Variants in RCBTB2 observed in about 807,000 individuals in gnomAD.
RCBTB2 encodes RCC1 and BTB domain-containing protein 2.
Under a neutral mutation model 65.4 loss-of-function variants are expected in RCBTB2, and 55 were observed. The ratio of observed to expected loss-of-function variants is 0.84; its 90% CI spans 0.68 to 1.05. The LOEUF is 1.05. Among genes scored for constraint, RCBTB2 ranks in the 50% least tolerant of loss-of-function variants. RCBTB2 has a pLI of 0.00. For missense variants in RCBTB2, 599 were observed against 680.1 expected (o/e 0.88, Z 1.33); for synonymous variants, 220 against 255.2 (o/e 0.86, Z 1.31).
chr13:48,493,288 T>TG (rs1949795754), intron 14 of RCBTB2, among the ~76,000 whole-genome samples: 1 of 77,160 alleles, frequency 1.3e-5, no homozygotes, highest in African/African-American at 8.4e-5. Flanking sequence ...TCTCTCTCTC[T>TG]CCACACACAC....
At chr13:48,534,562 C>G (rs1040219386), upstream of RCBTB2, among the ~76,000 whole-genome samples, 2 of 152,140 alleles carry the variant, frequency 1.3e-5, no homozygotes, top group African/African-American at 4.8e-5. Flanking sequence ...CAGCTGAAGC[C>G]TGACAATTAG....
intron 4 of RCBTB2, among the ~76,000 whole-genome samples, chr13:48,521,167 T>C (rs1292965711): frequency 3.9e-5 from 6 of 152,202 alleles, no homozygotes; most frequent in Non-Finnish European, 8.8e-5. Context: ...AAACTACTTT[T>C]GGACTTTCCT....
chr13:48,490,488 T>C (rs1949651340), intron 14 of RCBTB2, among the ~76,000 whole-genome samples: 1 of 152,194 alleles, frequency 6.6e-6, no homozygotes, highest in Non-Finnish European at 1.5e-5. Flanking sequence ...CGCACTAACC[T>C]AGGTAAAGAA....
At chr13:48,518,472 A>AAAAAAAAAAAAT (rs1491137365) in intron 4 of RCBTB2, among the ~76,000 whole-genome samples, 7 of 116,620 alleles carry the variant, frequency 6.0e-5, no homozygotes, top group African/African-American at 2.6e-4. Context: ...AAAAAAAAAA[A>AAAAAAAAAAAAT]ATATATATAT....
chr13:48,513,993 T>C (rs1950947010), intron 6 of RCBTB2, among the ~76,000 whole-genome samples: 1 of 152,196 alleles, frequency 6.6e-6, no homozygotes, highest in Admixed American at 6.5e-5. Flanking sequence ...TAACTAATAA[T>C]CAAAGAGAAC....
chr13:48,522,167 G>T, intron 3 of RCBTB2, 141 bp downstream of exon 3: 1 of 704,300 alleles, frequency 1.4e-6, no homozygotes, highest in Non-Finnish European at 2.4e-6. Flanking sequence ...CTACTGGATG[G>T]CCTCTTACGG....
chr13:48,531,173 T>C (rs1280725155), intron 1 of RCBTB2, among the ~76,000 whole-genome samples: 1 of 152,236 alleles, frequency 6.6e-6, no homozygotes, highest in Non-Finnish European at 1.5e-5. Context: ...GGGATCTTTG[T>C]CTCTTTTGTT....
intron 10 of RCBTB2, chr13:48,504,139 G>A (rs1950374776): frequency 1.0e-6 from 1 of 981,602 alleles, no homozygotes; most frequent in African/African-American, 1.8e-5. Flanking sequence ...AGCCACCACT[G>A]GGGGGTCAGG....
intron 14 of RCBTB2, chr13:48,491,597 G>A (rs1206305865): frequency 6.6e-6 from 1 of 152,200 alleles, no homozygotes; most frequent in Non-Finnish European, 1.5e-5. Context: ...AAACCAGATA[G>A]AGATGCATCA....
In RCBTB2 at chr13:48,512,014, A is replaced by G. The variant is rs1418291501; in HGVS notation, c.675+2T>C. On this transcript the variant is annotated splice_donor_variant, in intron 8 of 14. Coordinates refer to ENST00000344532, the MANE Select transcript of RCBTB2 (RefSeq NM_001268.4). LOFTEE classifies it high-confidence loss of function. The stretch of plus-strand genomic sequence containing the variant: ...AAACAAGATGTAAAATAACTTCCTT[A>G]CCTCCCCCGTGTCTACTACTGCCAT... The G allele has an allele frequency of 6.2e-7, 1 of 1,612,278 alleles. No individual in the cohort carries two copies. Among genetic ancestry groups the G allele is most frequent in the Non-Finnish European group, 8.5e-7 (1 of 1,178,774 alleles).
intron 13 of RCBTB2, among the ~76,000 whole-genome samples, chr13:48,499,097 C>T (rs1950105673): frequency 6.7e-6 from 1 of 150,006 alleles, no homozygotes; most frequent in Admixed American, 6.6e-5. Context: ...TGCCTCTCTC[C>T]CGACCCCCAC....
intron 3 of RCBTB2, 142 bp from the exon 4 acceptor site, chr13:48,522,104 G>A (rs1490963556): frequency 3.7e-6 from 3 of 804,410 alleles, no homozygotes; most frequent in East Asian, 5.1e-5. Context: ...TTAAGCTTTA[G>A]GCATGGGAAT....
intron 7 of RCBTB2, 91 bp from the exon 8 acceptor site, chr13:48,512,265 C>G (rs767174027): frequency 6.2e-5 from 69 of 1,120,054 alleles, no homozygotes; most frequent in Non-Finnish European, 8.7e-5. Context: ...CCGAGTCTTT[C>G]CTCTCAAAGT....
chr13:48,519,957 T>C (rs1951329426), intron 4 of RCBTB2, among the ~76,000 whole-genome samples: 1 of 152,100 alleles, frequency 6.6e-6, no homozygotes, highest in Admixed American at 6.6e-5. Context: ...GAGCACCAAT[T>C]ATGATGTTCA....
chr13:48,531,611 A>C (rs1218662220), intron 1 of RCBTB2, among the ~76,000 whole-genome samples: 1 of 152,250 alleles, frequency 6.6e-6, no homozygotes, highest in Admixed American at 6.5e-5. Flanking sequence ...TGGCGAGCCC[A>C]GCAAGAGCAA....
At position 48,490,083 on chromosome 13, in the gene RCBTB2, AG is replaced by A. The variant is rs772969437; in HGVS notation, c.*27del. The A allele has an allele frequency of 3.1e-5, 50 of 1,612,898 alleles. No individual in the cohort carries two copies. The highest frequency in any genetic ancestry group is 3.9e-5 in the Non-Finnish European group (46 of 1,179,336). ...TCTGGCTTTTGCAGGGGAAATGGAA[AG>A]GCTCAAAAACTTTCCTGCAGATGGG... On this transcript the variant is annotated 3_prime_UTR_variant, in exon 15 of 15. Coordinates refer to ENST00000344532, the MANE Select transcript of RCBTB2 (RefSeq NM_001268.4).
chr13:48,501,600 C>T, intron 12 of RCBTB2, 142 bp downstream of exon 12: 1 of 639,500 alleles, frequency 1.6e-6, no homozygotes, highest in Non-Finnish European at 2.7e-6. Flanking sequence ...GTATATTTCT[C>T]CCCGCTCCAC....
At chr13:48,504,119 G>C in intron 10 of RCBTB2, 1 of 946,546 alleles carries the variant, frequency 1.1e-6, no homozygotes, top group Non-Finnish European at 1.3e-6. Context: ...TCTTTGTAAT[G>C]TCTCCCCTCA....
intron 10 of RCBTB2, among the ~76,000 whole-genome samples, chr13:48,510,209 T>G (rs139289423): frequency 6.6e-6 from 1 of 152,218 alleles, no homozygotes; most frequent in African/African-American, 2.4e-5. Flanking sequence ...CAAATTTCCA[T>G]GTAGCTGAGT....
Sources: gnomAD v4.1 joint callset for allele counts (sites outside exome capture counted in the v4.1 genomes callset) on GRCh38, gnomAD v4.1.1 for gene constraint, MANE v1.5 for transcripts, NCBI Gene and HGNC (gene_info 2026-07-23, HGNC 2026-07-21) for gene names.